Variants in ME3 observed in about 807,000 individuals in gnomAD.
The protein encoded by ME3 is NADP-dependent malic enzyme, mitochondrial.
In ME3, 48 loss-of-function variants were observed where a neutral mutation model predicts 68.9. That is an observed-to-expected ratio of 0.70 (90% confidence interval 0.55 to 0.89). ME3 has a LOEUF of 0.89. Among genes scored for constraint, ME3 ranks in the 40% least tolerant of loss-of-function variants. ME3 has a pLI of 0.00. For synonymous variants in ME3, 320 were observed against 318.8 expected (o/e 1.00, Z -0.04); for missense variants, 675 against 797.4 (o/e 0.85, Z 1.85).
chr11:86,485,775 T>C (rs1372350512), intron 7 of ME3, among the ~76,000 whole-genome samples: 2 of 152,206 alleles, frequency 1.3e-5, no homozygotes, highest in Non-Finnish European at 2.9e-5. Flanking sequence ...CCGTTTTCTC[T>C]TGCCTGGCAA....
intron 12 of ME3, chr11:86,446,858 G>A: frequency 3.0e-6 from 2 of 677,514 alleles, no homozygotes; most frequent in Non-Finnish European, 4.8e-6. Context: ...TAGCACAAAT[G>A]TAAGAACTTG....
chr11:86,651,793 C>G (rs1295091352), intron 2 of ME3, among the ~76,000 whole-genome samples: 1 of 152,188 alleles, frequency 6.6e-6, no homozygotes, highest in African/African-American at 2.4e-5. Flanking sequence ...GATCAAATGA[C>G]TCCGAACTGA....
chr11:86,579,330 C>A (rs540350721), intron 2 of ME3, among the ~76,000 whole-genome samples: 1 of 152,296 alleles, frequency 6.6e-6, no homozygotes, highest in African/African-American at 2.4e-5. Context: ...CCATGAGAGG[C>A]AGTGGGCCAC....
At chr11:86,596,027 G>T (rs994499692) in intron 2 of ME3, among the ~76,000 whole-genome samples, 5 of 152,184 alleles carry the variant, frequency 3.3e-5, no homozygotes, top group African/African-American at 1.2e-4. Flanking sequence ...CCCAGGCTTT[G>T]GCATTAGAAT....
At chr11:86,462,977 G>A (rs1179870901) in intron 8 of ME3, among the ~76,000 whole-genome samples, 2 of 152,160 alleles carry the variant, frequency 1.3e-5, no homozygotes, top group African/African-American at 4.8e-5. Context: ...GAGGTCAGAG[G>A]AGTAAAATAA....
chr11:86,472,027 C>T (rs1227368902), intron 7 of ME3, among the ~76,000 whole-genome samples: 1 of 152,122 alleles, frequency 6.6e-6, no homozygotes, highest in Non-Finnish European at 1.5e-5. Context: ...ATGAGGGCTT[C>T]ACAGGGCAGG....
intron 2 of ME3, among the ~76,000 whole-genome samples, chr11:86,584,682 G>T (rs1958631554): frequency 6.6e-6 from 1 of 152,198 alleles, no homozygotes; most frequent in Non-Finnish European, 1.5e-5. Flanking sequence ...TAAACACAAT[G>T]AGCCAGTCAC....
intron 2 of ME3, among the ~76,000 whole-genome samples, chr11:86,652,101 A>G (rs1945480666): frequency 6.6e-6 from 1 of 152,244 alleles, no homozygotes; most frequent in South Asian, 2.1e-4. Context: ...CTGTGAAAAG[A>G]CCAAATCTAC....
intron 8 of ME3, among the ~76,000 whole-genome samples, chr11:86,452,171 G>A (rs1594014340): frequency 6.6e-6 from 1 of 152,052 alleles, no homozygotes; most frequent in African/African-American, 2.4e-5. Context: ...CTTTAATTTT[G>A]TGCTCTACTG....
chr11:86,515,367 A>G (rs1953820873), intron 4 of ME3, among the ~76,000 whole-genome samples: 1 of 152,152 alleles, frequency 6.6e-6, no homozygotes, highest in Admixed American at 6.5e-5. Flanking sequence ...CATTTTACAG[A>G]TGAGATTAAG....
intron 4 of ME3, among the ~76,000 whole-genome samples, chr11:86,514,903 T>C (rs987105727): frequency 2.0e-5 from 3 of 152,244 alleles, no homozygotes; most frequent in African/African-American, 7.2e-5. Flanking sequence ...TGGGCTCAGA[T>C]GCTGGCAAAA....
At chr11:86,438,190 C>T (rs1249289068), downstream of ME3, among the ~76,000 whole-genome samples, 2 of 151,688 alleles carry the variant, frequency 1.3e-5, no homozygotes, top group East Asian at 1.9e-4. Context: ...CATAAATGGG[C>T]GTTGGTTTTT....
intron 4 of ME3, among the ~76,000 whole-genome samples, chr11:86,510,184 G>A (rs971688247): frequency 3.3e-5 from 5 of 152,106 alleles, no homozygotes; most frequent in African/African-American, 1.2e-4. Flanking sequence ...ACTGCAGTAT[G>A]TCTTGTCTCA....
intron 2 of ME3, among the ~76,000 whole-genome samples, chr11:86,637,065 G>GA (rs1426901492): frequency 3.9e-5 from 6 of 152,124 alleles, no homozygotes; most frequent in Non-Finnish European, 7.4e-5. Context: ...AAAAAATGGC[G>GA]AAAAAAATGA....
At chr11:86,612,406 A>G (rs942311455) in intron 2 of ME3, among the ~76,000 whole-genome samples, 22 of 152,202 alleles carry the variant, frequency 1.4e-4, no homozygotes, top group Non-Finnish European at 5.9e-5. Context: ...AGAATGATTT[A>G]TATTCCTTTG....
intron 7 of ME3, among the ~76,000 whole-genome samples, chr11:86,486,308 A>G (rs965527427): frequency 6.6e-6 from 1 of 152,164 alleles, no homozygotes; most frequent in Admixed American, 6.5e-5. Flanking sequence ...TTTTGCTCTC[A>G]TCTTAAAAAA....
rs754516714 is a variant in ME3, at chr11:86,487,447, C to T, written c.706-7G>A. 4 of 1,611,636 alleles carry T rather than the reference C, an allele frequency of 2.5e-6. No individual in the cohort carries two copies. Among genetic ancestry groups the T allele is most frequent in the Non-Finnish European group, 3.4e-6 (4 of 1,177,942 alleles). On this transcript the variant is annotated splice_region_variant and splice_polypyrimidine_tract_variant and intron_variant, in intron 6 of 14. Coordinates refer to ENST00000543262, the Ensembl canonical transcript of ME3. ...GAGGGTCTCTGAGCAGCTCCTGGAA[C>T]AGACAGCACCCATTGACTGAGCCTA...
intron 8 of ME3, among the ~76,000 whole-genome samples, chr11:86,463,621 C>A (rs572874186): frequency 6.6e-6 from 1 of 152,334 alleles, no homozygotes; most frequent in East Asian, 1.9e-4. Context: ...TCTCCCCTCC[C>A]TCTGGATACC....
At chr11:86,549,057 C>G (rs1387431884) in intron 4 of ME3, among the ~76,000 whole-genome samples, 3 of 152,200 alleles carry the variant, frequency 2.0e-5, no homozygotes, top group Non-Finnish European at 4.4e-5. Context: ...TTTAACAAGC[C>G]CTCCAGGTGA....
Sources: gnomAD v4.1 joint callset for allele counts (sites outside exome capture counted in the v4.1 genomes callset) on GRCh38, gnomAD v4.1.1 for gene constraint, MANE v1.5 for transcripts, NCBI Gene and HGNC (gene_info 2026-07-23, HGNC 2026-07-21) for gene names.